MFN1: variants seen among roughly 807,000 people sequenced by gnomAD.
MFN1 encodes mitofusin 1.
Under a neutral mutation model 92.4 loss-of-function variants are expected in MFN1, and 65 were observed. The ratio of observed to expected loss-of-function variants is 0.70; its 90% confidence interval spans 0.58 to 0.86. The LOEUF (loss-of-function observed/expected upper bound fraction) is 0.86. MFN1 is among the 40% of genes least tolerant of loss of function. The probability of loss-of-function intolerance (pLI) is 0.00; values close to 1 mark genes in which losing one functional copy is unlikely to be tolerated. For missense variants in MFN1, 781 were observed against 868.0 expected, an observed-to-expected ratio of 0.90 and a Z score of 1.26; for synonymous variants, 297 against 300.9, an observed-to-expected ratio of 0.99 and a Z score of 0.13.
chr3:179,365,266 T>G, intron 7 of MFN1, 41 bp downstream of exon 7: 1 of 1,084,108 alleles, frequency 9.2e-7, no homozygotes, highest in Non-Finnish European at 1.3e-6. Context: ...TGAAATACAG[T>G]CACATACATT....
At position 179,352,012 on chromosome 3, in the gene MFN1, C is replaced by T; in HGVS notation, c.225C>T (p.His75=). The T allele has an allele frequency of 6.3e-7, 1 of 1,593,304 alleles. No homozygotes were observed. The highest frequency in any genetic ancestry group is 1.1e-5 in the South Asian group (1 of 88,116). The change falls in exon 3 of 18, where the codon CAC becomes CAT. Residue 75 remains histidine, a synonymous_variant. Coordinates refer to ENST00000471841, the MANE Select transcript of MFN1 (RefSeq NM_033540.3). Reference sequence around the variant, plus strand: ...TTGGTGAGGTGCTATCTCGGAGACACATGAAGGTGGCATTTTTTGGCAGGT... The same window carrying T: ...TTGGTGAGGTGCTATCTCGGAGACATATGAAGGTGGCATTTTTTGGCAGGT... ...SIIGEVLSRR[H]MKVAFFGRTS...
chr3:179,364,837 G>A (rs981133242), intron 6 of MFN1, among the ~76,000 whole-genome samples: 1 of 152,144 alleles, frequency 6.6e-6, no homozygotes, highest in African/African-American at 2.4e-5. Flanking sequence ...TTAAGCTGCT[G>A]TCAGACTTAG....
At chr3:179,381,180 G>C (rs73045119) in intron 14 of MFN1, among the ~76,000 whole-genome samples, 223 of 152,312 alleles carry the variant, frequency 1.5e-3, no homozygotes, top group Middle Eastern at 6.8e-3. Flanking sequence ...AAGCACTAGA[G>C]CAGCATGTAT....
At chr3:179,359,068 A>G in intron 4 of MFN1, 66 bp downstream of exon 4, 2 of 1,434,996 alleles carry the variant, frequency 1.4e-6, no homozygotes, top group East Asian at 2.4e-5. Context: ...TTCTTTAATA[A>G]CATTTTTATA....
intron 16 of MFN1, 54 bp downstream of exon 16, chr3:179,386,683 ACATGCAGAAAAAG>A (rs1713698710): frequency 1.3e-6 from 2 of 1,497,246 alleles, no homozygotes; most frequent in Non-Finnish European, 1.8e-6. Flanking sequence ...AATATGACAT[ACATGCAGAAAAAG>A]CACAAAATAA....
Position 179,377,042 on chromosome 3 carries a change from G to C in MFN1, c.1098G>C (p.Arg366Ser). Residue 366 changes from arginine to serine, a missense_variant and splice_region_variant, in exon 11 of 18, where the codon AGG becomes AGC. Physicochemically the swap from Arg to Ser is moderately radical, Grantham distance 110. Transcript: ENST00000471841. Reference sequence around the variant, plus strand: ...TTGATTACTCTTTATACTGAAATAGGCATTATTCAGTGGAAGAGAGGGAAG... The same window carrying C: ...TTGATTACTCTTTATACTGAAATAGCCATTATTCAGTGGAAGAGAGGGAAG... ...DSVNLAAEDK[R>S]HYSVEEREDQ... 1 of 1,613,342 alleles carries C rather than the reference G, an allele frequency of 6.2e-7. No individual in the cohort carries two copies. Among genetic ancestry groups the C allele is most frequent in the South Asian group, 1.1e-5 (1 of 90,966 alleles).
At chr3:179,378,202 A>T in intron 12 of MFN1, 139 bp from the exon 13 acceptor site, 1 of 676,290 alleles carries the variant, frequency 1.5e-6, no homozygotes, top group Non-Finnish European at 2.5e-6. Flanking sequence ...CTAGGCAACA[A>T]AGCAAGACCC....
chr3:179,390,034 C>A lies in MFN1; in HGVS notation c.2043C>A (p.Cys681Ter). ...QQIATTFARL[C>*]QQVDITQKQL... ...TAGCTACCACTTTTGCTCGCCTGTGCCAACAAGTTGATATTACTCAAAAAC... is the reference window on the plus strand; with the variant it reads ...TAGCTACCACTTTTGCTCGCCTGTGACAACAAGTTGATATTACTCAAAAAC... The change falls in exon 17 of 18, where the codon TGC (cysteine) becomes TGA (stop). Residue 681 changes from cysteine (C) to a stop codon, truncating the protein, a stop_gained. Coordinates refer to ENST00000471841, the MANE Select transcript of MFN1 (RefSeq NM_033540.3). LOFTEE classifies it high-confidence loss of function. 1 of 1,602,862 alleles carries A rather than the reference C, an allele frequency of 6.2e-7. No individual in the cohort carries two copies. The highest frequency in any genetic ancestry group is 8.5e-7 in the Non-Finnish European group (1 of 1,176,742).
intron 3 of MFN1, among the ~76,000 whole-genome samples, chr3:179,355,016 C>T (rs1019191402): frequency 5.3e-5 from 8 of 152,070 alleles, no homozygotes; most frequent in Non-Finnish European, 7.4e-5. Context: ...AGCCTGGTCT[C>T]GAACTCCTGA....
At chr3:179,356,749 A>T (rs115739437) in intron 3 of MFN1, among the ~76,000 whole-genome samples, 1 of 152,056 alleles carries the variant, frequency 6.6e-6, no homozygotes, top group Non-Finnish European at 1.5e-5. Flanking sequence ...TTCACAGTTC[A>T]CTTGAGGAAT....
At chr3:179,381,125 C>T (rs1354421739) in intron 14 of MFN1, among the ~76,000 whole-genome samples, 1 of 152,112 alleles carries the variant, frequency 6.6e-6, no homozygotes, top group Non-Finnish European at 1.5e-5. Flanking sequence ...TTTCATTGAC[C>T]TCGCAGAACA....
chr3:179,383,737 A>T (rs893344592), intron 14 of MFN1, among the ~76,000 whole-genome samples: 1 of 152,116 alleles, frequency 6.6e-6, no homozygotes, highest in Non-Finnish European at 1.5e-5. Flanking sequence ...CCCATTCACA[A>T]TTGCTTCGAA....
chr3:179,392,272 G>T lies in MFN1; in HGVS notation c.*213G>T. The T allele has an allele frequency of 2.7e-6, 1 of 375,884 alleles. No individual in the cohort carries two copies. Among genetic ancestry groups the T allele is most frequent in the Non-Finnish European group, 4.8e-6 (1 of 209,148 alleles). 23.3% of individuals were successfully genotyped at this position (375,884 alleles called of 1,614,324 possible). A position where few individuals can be genotyped will look rare whatever the true frequency, so the allele number is the denominator to read the frequency against. On this transcript the variant is annotated 3_prime_UTR_variant, in exon 18 of 18. Transcript: ENST00000471841. ...AGTTTTAATTTTGAGTAAAGAAAAG[G>T]CTAAAATCATGAATTAGTTACAAGC...
chr3:179,377,256 G>T, intron 11 of MFN1, 88 bp downstream of exon 11: 2 of 1,528,088 alleles, frequency 1.3e-6, no homozygotes, highest in Admixed American at 2.0e-5. Flanking sequence ...TACTTTAAAA[G>T]AATGTTTTCA....
intron 10 of MFN1, 36 bp downstream of exon 10, chr3:179,375,377 GT>G (rs772706439): frequency 1.2e-6 from 2 of 1,603,090 alleles, no homozygotes; most frequent in African/African-American, 2.7e-5. Context: ...AAAAATGTTA[GT>G]TTTTTTGTCA....
chr3:179,358,635 G>C (rs1201469174), intron 3 of MFN1, among the ~76,000 whole-genome samples: 2 of 152,120 alleles, frequency 1.3e-5, no homozygotes, highest in African/African-American at 4.8e-5. Context: ...TGAGAAAGGT[G>C]GGATTTGTCT....
At chr3:179,371,136 G>T (rs1208592023) in intron 9 of MFN1, among the ~76,000 whole-genome samples, 1 of 152,056 alleles carries the variant, frequency 6.6e-6, no homozygotes, top group Non-Finnish European at 1.5e-5. Context: ...GATTCAAATG[G>T]ATCTAAGTAT....
chr3:179,366,690 G>A (rs1712808274), intron 7 of MFN1, among the ~76,000 whole-genome samples: 1 of 152,114 alleles, frequency 6.6e-6, no homozygotes, highest in Admixed American at 6.6e-5. Flanking sequence ...TGGGGTCTCA[G>A]AATTAGGAAG....
intron 7 of MFN1, 21 bp from the exon 8 acceptor site, chr3:179,367,418 T>C (rs1712837280): frequency 6.3e-7 from 1 of 1,588,852 alleles, no homozygotes; most frequent in Non-Finnish European, 8.5e-7. Flanking sequence ...TAGAATTCTT[T>C]TAATACCGTT....
Sources: allele counts gnomAD v4.1 joint callset (sites outside exome capture counted in the v4.1 genomes callset), GRCh38; gene constraint gnomAD v4.1.1; transcripts MANE v1.5; gene names NCBI Gene and HGNC (gene_info 2026-07-23, HGNC 2026-07-21).